The following GINS4 variants were observed in gnomAD, a reference collection of about 807,000 sequenced individuals.
The protein encoded by GINS4 is GINS complex subunit 4.
In GINS4, 20 loss-of-function variants were observed where a neutral mutation model predicts 31.1. That is an observed-to-expected ratio of 0.64 (90% CI 0.45 to 0.93). GINS4 has a LOEUF of 0.93. GINS4 is among the 40% of genes least tolerant of loss of function. The pLI is 0.00. For synonymous variants in GINS4, 85 were observed against 97.9 expected, an observed-to-expected ratio of 0.87 and a Z score of 0.78; for missense variants, 245 against 273.9, an observed-to-expected ratio of 0.89 and a Z score of 0.75.
intron 6 of GINS4, chr8:41,540,426 G>A (rs1023710698): frequency 1.1e-4 from 23 of 209,200 alleles, no homozygotes; most frequent in African/African-American, 3.8e-4. Flanking sequence ...TGGAGGGGAG[G>A]GCTGAAACAG....
Position 41,542,145 on chromosome 8 carries a change from A to G in GINS4, c.*58A>G. 1 of 1,355,034 alleles carries G rather than the reference A, an allele frequency of 7.4e-7. No homozygotes were observed. The highest frequency in any genetic ancestry group is 1.1e-6 in the Non-Finnish European group (1 of 945,300). 83.9% of individuals were successfully genotyped at this position (1,355,034 alleles called of 1,614,324 possible). On this transcript the variant is annotated 3_prime_UTR_variant, in exon 8 of 8. Coordinates refer to ENST00000276533, the MANE Select transcript of GINS4 (RefSeq NM_032336.3). ...AAGCCTGTAATCCCAGCACTTTGGG[A>G]GGCCGAGGCGGGCGGATCATGAGGT...
At chr8:41,532,587 C>A (rs562434463) in intron 2 of GINS4, among the ~76,000 whole-genome samples, 1 of 152,234 alleles carries the variant, frequency 6.6e-6, no homozygotes, top group South Asian at 2.1e-4. Context: ...GTAATCCCAG[C>A]ACTTTGGGAG....
intron 1 of GINS4, 67 bp from the exon 2 acceptor site, chr8:41,530,117 T>A (rs1334203010): frequency 2.0e-6 from 2 of 1,021,908 alleles, no homozygotes; most frequent in Non-Finnish European, 3.0e-6. Flanking sequence ...TTTCTCCAGA[T>A]AGATGTCTGT....
Position 41,530,303 on chromosome 8 carries a change from G to T in GINS4, c.96+5G>T, listed in dbSNP as rs774422577. On this transcript the variant is annotated splice_donor_5th_base_variant and intron_variant, in intron 2 of 7. Transcript: ENST00000276533. ...CTCATTGAAAGATTGGAGCAGGTAAGCATCCCAGATCGAATCCCTTTGCTC... is the reference window on the plus strand; with the variant it reads ...CTCATTGAAAGATTGGAGCAGGTAATCATCCCAGATCGAATCCCTTTGCTC... 1.9e-6 allele frequency: 3 copies of T among 1,603,390 alleles called. No homozygotes were observed. The highest frequency in any genetic ancestry group is 2.6e-6 in the Non-Finnish European group (3 of 1,171,152).
At chr8:41,535,042 A>G (rs1176081003) in intron 2 of GINS4, among the ~76,000 whole-genome samples, 4 of 151,300 alleles carry the variant, frequency 2.6e-5, no homozygotes, top group Non-Finnish European at 5.9e-5. Flanking sequence ...AGTTTTAAAA[A>G]TTATTCAGTA....
intron 2 of GINS4, among the ~76,000 whole-genome samples, chr8:41,530,891 G>A (rs1270146608): frequency 6.6e-6 from 1 of 152,146 alleles, no homozygotes; most frequent in Admixed American, 6.6e-5. Context: ...CAGACTATCT[G>A]GATTTAAATC....
intron 2 of GINS4, among the ~76,000 whole-genome samples, chr8:41,533,056 TTAAAAA>T (rs1806676169): frequency 6.6e-6 from 1 of 152,058 alleles, no homozygotes; most frequent in Non-Finnish European, 1.5e-5. Flanking sequence ...CTTGCAATAG[TTAAAAA>T]TTAAAATAAC....
At chr8:41,539,532 A>G (rs907976838) in intron 4 of GINS4, 146 bp from the exon 5 acceptor site, 3 of 662,870 alleles carry the variant, frequency 4.5e-6, no homozygotes, top group Admixed American at 2.4e-5. Context: ...CCTGTGTCTT[A>G]TGGTGTGTCT....
chr8:41,530,605 A>C (rs991650830), intron 2 of GINS4, among the ~76,000 whole-genome samples: 2 of 152,034 alleles, frequency 1.3e-5, no homozygotes, highest in African/African-American at 4.8e-5. Context: ...GAACTTCTTT[A>C]CCTTAGTCCC....
Position 41,543,530 on chromosome 8 carries a change from C to G in GINS4, c.*1443C>G, listed in dbSNP as rs1319716857. 1 of 152,196 alleles carries G rather than the reference C, an allele frequency of 6.6e-6. No homozygotes were observed. Among genetic ancestry groups the G allele is most frequent in the African/African-American group, 2.4e-5 (1 of 41,438 alleles). 9.4% of individuals were successfully genotyped at this position (152,196 alleles called of 1,614,324 possible). A position where few individuals can be genotyped will look rare whatever the true frequency, so the allele number is the denominator to read the frequency against. On this transcript the variant is annotated 3_prime_UTR_variant, in exon 8 of 8. Transcript: ENST00000276533. ...GATGCCGGAAGGAAGGATGTATAGG[C>G]AGTGAATGAATGATCTTTCCTTGAA...
chr8:41,535,491 C>T (rs765183484), intron 2 of GINS4, among the ~76,000 whole-genome samples: 2 of 152,132 alleles, frequency 1.3e-5, no homozygotes, highest in Admixed American at 6.5e-5. Context: ...TACAGATGCT[C>T]AGGCTCTGCA....
intron 3 of GINS4, among the ~76,000 whole-genome samples, chr8:41,536,874 T>G (rs917390379): frequency 2.6e-5 from 4 of 152,244 alleles, no homozygotes; most frequent in Non-Finnish European, 4.4e-5. Flanking sequence ...TGTGGATATT[T>G]CAGTTTCTCA....
chr8:41,540,174 A>G lies in GINS4; in HGVS notation c.484+170A>G, dbSNP rs116175088. Among the ~76,000 whole-genome samples the G allele has an allele frequency of 2.0e-3, 302 of 152,326 alleles. 3 individuals are homozygous for G. The highest frequency in any genetic ancestry group is 6.6e-3 in the African/African-American group (273 of 41,568). On this transcript the variant is annotated intron_variant, in intron 6 of 7. Coordinates refer to ENST00000276533, the MANE Select transcript of GINS4 (RefSeq NM_032336.3). ...AAAAAAATCACGGAAAGCAGATCCAATGGTAGGCATTTGAGCATTGCTTCC... is the reference window on the plus strand; with the variant it reads ...AAAAAAATCACGGAAAGCAGATCCAGTGGTAGGCATTTGAGCATTGCTTCC...
At chr8:41,532,233 A>G (rs1585618664) in intron 2 of GINS4, among the ~76,000 whole-genome samples, 2 of 152,392 alleles carry the variant, frequency 1.3e-5, no homozygotes, top group Middle Eastern at 3.4e-3. Flanking sequence ...CATACTGCCC[A>G]GTACAGACTG....
At chr8:41,534,250 T>C in intron 2 of GINS4, 1 of 426,630 alleles carries the variant, frequency 2.3e-6, no homozygotes, top group South Asian at 1.7e-5. Flanking sequence ...TTAAAAAAAA[T>C]TTAAAAATTA....
intron 4 of GINS4, among the ~76,000 whole-genome samples, chr8:41,538,282 CCTT>C (rs1806775905): frequency 6.6e-6 from 1 of 152,158 alleles, no homozygotes; most frequent in Non-Finnish European, 1.5e-5. Context: ...TTGTCTCTAT[CCTT>C]CTTAAGTTAC....
chr8:41,530,156 A>G (rs989388166), intron 1 of GINS4, 28 bp from the exon 2 acceptor site: 1 of 1,316,218 alleles, frequency 7.6e-7, no homozygotes, highest in Non-Finnish European at 1.1e-6. Flanking sequence ...AACGCATTGC[A>G]GAGTATTGGT....
At chr8:41,536,019 C>T (rs1439045200) in intron 2 of GINS4, among the ~76,000 whole-genome samples, 1 of 152,096 alleles carries the variant, frequency 6.6e-6, no homozygotes, top group Non-Finnish European at 1.5e-5. Flanking sequence ...GTGGCGCTGC[C>T]TGGGGGAACA....
At position 41,544,281 on chromosome 8, in the gene GINS4, C is replaced by T. The variant is rs1252857607; in HGVS notation, c.*2194C>T. The T allele has an allele frequency of 6.6e-6, 1 of 152,204 alleles. No individual in the cohort carries two copies. The highest frequency in any genetic ancestry group is 1.9e-4 in the East Asian group (1 of 5,198). The allele number at this position is 152,204 out of a possible 1,614,324, so 9.4% of individuals were successfully genotyped here. A position where few individuals can be genotyped will look rare whatever the true frequency, so the allele number is the denominator to read the frequency against. ...TGAGGCAGGCTGGACCCAGATCTTA[C>T]AGGACCTTGTTAATAAGGATCCCAT... On this transcript the variant is annotated 3_prime_UTR_variant, in exon 8 of 8. Coordinates refer to ENST00000276533, the MANE Select transcript of GINS4 (RefSeq NM_032336.3).
Sources: gnomAD v4.1 joint callset for allele counts (sites outside exome capture counted in the v4.1 genomes callset) on GRCh38, gnomAD v4.1.1 for gene constraint, MANE v1.5 for transcripts, NCBI Gene and HGNC (gene_info 2026-07-23, HGNC 2026-07-21) for gene names.